Variants in ADGB observed in about 807,000 individuals in gnomAD.
ADGB encodes the protein calpain-7-like protein.
In ADGB, 172 loss-of-function variants were observed where a neutral mutation model predicts 210.5. The ratio of observed to expected loss-of-function variants is 0.82; its 90% confidence interval spans 0.72 to 0.93. The LOEUF is 0.93. ADGB is among the 40% of genes least tolerant of loss of function. The pLI, the probability that ADGB is intolerant of heterozygous loss-of-function variation, is 0.00. For missense variants in ADGB, 2,025 were observed against 1,964.8 expected, an observed-to-expected ratio of 1.03 and a Z score of -0.58; for synonymous variants, 658 against 662.7, an observed-to-expected ratio of 0.99 and a Z score of 0.11.
intron 25 of ADGB, among the ~76,000 whole-genome samples, chr6:146,743,610 C>T (rs1777188159): frequency 6.6e-6 from 1 of 152,148 alleles, no homozygotes; most frequent in Non-Finnish European, 1.5e-5. Flanking sequence ...CTCTAGCCAG[C>T]TCTGTTTAGA....
At chr6:146,714,144 C>G (rs1776697609) in intron 13 of ADGB, among the ~76,000 whole-genome samples, 1 of 152,116 alleles carries the variant, frequency 6.6e-6, no homozygotes, top group Non-Finnish European at 1.5e-5. Flanking sequence ...CAATTGTTTG[C>G]CAGTACTTTG....
intron 23 of ADGB, among the ~76,000 whole-genome samples, chr6:146,739,493 G>T (rs957806925): frequency 6.6e-6 from 1 of 152,078 alleles, no homozygotes; most frequent in Middle Eastern, 3.2e-3. Context: ...ATTTTAAAAG[G>T]CCTTTCAAAC....
intron 7 of ADGB, among the ~76,000 whole-genome samples, chr6:146,668,371 C>T (rs761832917): frequency 2.0e-5 from 3 of 152,054 alleles, no homozygotes; most frequent in Non-Finnish European, 4.4e-5. Context: ...ATTCTGCCAT[C>T]TTCACCATAT....
At chr6:146,779,094 G>A (rs1391415611) in intron 29 of ADGB, among the ~76,000 whole-genome samples, 1 of 150,850 alleles carries the variant, frequency 6.6e-6, no homozygotes, top group African/African-American at 2.4e-5. Flanking sequence ...AATATTCCTG[G>A]CACATACTGG....
At chr6:146,653,368 A>G (rs879657320) in intron 3 of ADGB, among the ~76,000 whole-genome samples, 1 of 152,240 alleles carries the variant, frequency 6.6e-6, no homozygotes, top group East Asian at 1.9e-4. Context: ...TGGTTCGTGG[A>G]AAAATTGTCT....
chr6:146,663,423 A>T lies in ADGB; in HGVS notation c.613-778A>T, dbSNP rs564333090. Among the ~76,000 whole-genome samples the T allele has an allele frequency of 2.0e-5, 3 of 151,786 alleles. 1 individual carries two copies. The South Asian group carries it at 6.2e-4, about 32-fold the overall frequency. On this transcript the variant is annotated intron_variant, in intron 5 of 35. Transcript: ENST00000397944. ...AAATGGCTGGCCATTTTCTTGCCAT[A>T]AAATTCCATGGTGGAAGAGAAAAAC...
At chr6:146,805,134 G>A (rs4535573) in intron 35 of ADGB, among the ~76,000 whole-genome samples, 51,835 of 152,042 alleles carry the variant, frequency 0.34, 9,332 homozygotes, top group East Asian at 0.67. Flanking sequence ...CTTCCATAGA[G>A]ACACCTCTAC....
At chr6:146,799,529 G>A (rs1421007544) in intron 33 of ADGB, among the ~76,000 whole-genome samples, 1 of 112,790 alleles carries the variant, frequency 8.9e-6, no homozygotes, top group African/African-American at 3.4e-5. Context: ...CAAGACTCTG[G>A]GGGGAGAAAA....
At chr6:146,777,678 G>A (rs183823583) in intron 29 of ADGB, among the ~76,000 whole-genome samples, 1 of 152,350 alleles carries the variant, frequency 6.6e-6, no homozygotes, top group African/African-American at 2.4e-5. Flanking sequence ...CCACTCTTGT[G>A]AGGGTACCTT....
At chr6:146,733,040 A>T in intron 20 of ADGB, 80 bp from the exon 21 acceptor site, 1 of 1,074,678 alleles carries the variant, frequency 9.3e-7, no homozygotes, top group Non-Finnish European at 1.3e-6. Flanking sequence ...TTTTATTTTT[A>T]GAGTATCTAA....
chr6:146,612,394 G>C (rs957752575), intron 1 of ADGB, among the ~76,000 whole-genome samples: 2 of 152,128 alleles, frequency 1.3e-5, no homozygotes, highest in Non-Finnish European at 2.9e-5. Context: ...TCTCCCAGCT[G>C]TATACACACT....
intron 1 of ADGB, among the ~76,000 whole-genome samples, chr6:146,625,787 T>C (rs7749367): frequency 0.087 from 13,301 of 152,100 alleles, 611 homozygotes; most frequent in East Asian, 0.13. Flanking sequence ...CTCTTTTCTT[T>C]ATAAATTACC....
chr6:146,725,911 AG>A, intron 18 of ADGB, 171 bp from the exon 19 acceptor site: 2 of 475,496 alleles, frequency 4.2e-6, no homozygotes, highest in Non-Finnish European at 7.7e-6. Context: ...ATGATCCCGT[AG>A]GGTTCTTATA....
At chr6:146,758,687 T>C (rs1383820790) in intron 27 of ADGB, among the ~76,000 whole-genome samples, 2 of 151,974 alleles carry the variant, frequency 1.3e-5, no homozygotes, top group Non-Finnish European at 2.9e-5. Context: ...CATTAGTATT[T>C]CCAGATGAAC....
chr6:146,790,475 G>C (rs1777938727), intron 33 of ADGB, among the ~76,000 whole-genome samples: 1 of 152,032 alleles, frequency 6.6e-6, no homozygotes, highest in Admixed American at 6.6e-5. Flanking sequence ...TTTTTACTTA[G>C]CATCTTGTCC....
At chr6:146,724,151 G>T in intron 17 of ADGB, 35 bp from the exon 18 acceptor site, 2 of 1,521,076 alleles carry the variant, frequency 1.3e-6, no homozygotes, top group South Asian at 1.3e-5. Flanking sequence ...ACACTTTCAT[G>T]ATCAAACTTT....
At chr6:146,653,018 C>A (rs563894403) in intron 3 of ADGB, among the ~76,000 whole-genome samples, 14 of 152,258 alleles carry the variant, frequency 9.2e-5, no homozygotes, top group Admixed American at 2.0e-4. Context: ...ACAGACGCTC[C>A]ACATCACTTG....
chr6:146,805,522 G>T (rs1032414999), intron 35 of ADGB, among the ~76,000 whole-genome samples: 1 of 152,124 alleles, frequency 6.6e-6, no homozygotes, highest in African/African-American at 2.4e-5. Context: ...CTTCCCTAAT[G>T]GCTTTACATT....
chr6:146,762,380 T>A (rs1316260959), intron 27 of ADGB, among the ~76,000 whole-genome samples: 1 of 152,168 alleles, frequency 6.6e-6, no homozygotes, highest in Non-Finnish European at 1.5e-5. Flanking sequence ...TTCATATATT[T>A]CATTTTTCTG....
Sources: allele counts gnomAD v4.1 joint callset (sites outside exome capture counted in the v4.1 genomes callset), GRCh38; gene constraint gnomAD v4.1.1; transcripts MANE v1.5; gene names NCBI Gene and HGNC (gene_info 2026-07-23, HGNC 2026-07-21).